The following SOX9 variants were observed in gnomAD, a reference collection of about 807,000 sequenced individuals.
SOX9 encodes the protein SRY-box transcription factor 9, also known as transcription factor SOX-9.
In SOX9, 2 loss-of-function variants were observed where a neutral mutation model predicts 44.8. The ratio of observed to expected loss-of-function variants is 0.04; its 90% confidence interval spans 0.02 to 0.14. SOX9 has a LOEUF of 0.14. Ranked by LOEUF, SOX9 falls within the 10% of genes least tolerant of loss-of-function variation. The pLI is 1.00. For synonymous variants in SOX9, 381 were observed against 331.8 expected (o/e 1.15, Z -1.61); for missense variants, 583 against 728.6 (o/e 0.80, Z 2.30).
In SOX9 at chr17:72,123,490, C is replaced by T. The variant is rs2143249649; in HGVS notation, c.686-53C>T. The stretch of plus-strand genomic sequence containing the variant: ...CCCCGGAGGGTGCCTAAGACTAGGG[C>T]GTCTGCACAGCCCTTGTTGATTTTC... On this transcript the variant is annotated intron_variant, in intron 2 of 2. Transcript: ENST00000245479. The surrounding 1 kb of genome is among the most constrained non-coding windows in gnomAD (Gnocchi z 6.5). 1 of 1,612,266 alleles carries T rather than the reference C, an allele frequency of 6.2e-7. No homozygotes were observed. The highest frequency in any genetic ancestry group is 8.5e-7 in the Non-Finnish European group (1 of 1,179,170).
chr17:72,123,856 C>T lies in SOX9; in HGVS notation c.999C>T (p.His333=), dbSNP rs755953036. Residue 333 remains histidine, a synonymous_variant, in exon 3 of 3, where the codon CAC becomes CAT. Coordinates refer to ENST00000245479, the MANE Select transcript of SOX9 (RefSeq NM_000346.4). This position sits in a 1 kb window ranked among gnomAD's most constrained non-coding sequence, Gnocchi z 6.5. ...STAATPASAG[H]VWMSKQQAPP... ...CGGCCACCCCGGCGAGCGCGGGCCA[C>T]GTGTGGATGTCCAAGCAGCAGGCGC... is the stretch of plus-strand genomic sequence containing the variant. 6.3e-7 allele frequency: 1 copy of T among 1,583,368 alleles called. No homozygotes were observed. The highest frequency in any genetic ancestry group is 1.8e-5 in the Admixed American group (1 of 56,828).
chr17:72,122,224 T>G (rs1908118587), intron 1 of SOX9, among the ~76,000 whole-genome samples: 1 of 150,310 alleles, frequency 6.7e-6, no homozygotes. Context: ...TCCACGGAGA[T>G]GGGGCAAGGG....
At position 72,121,918 on chromosome 17, in the gene SOX9, G is replaced by A. The variant is rs1226952183; in HGVS notation, c.431+96G>A. 3 of 1,401,968 alleles carry A rather than the reference G, an allele frequency of 2.1e-6. No homozygotes were observed. Among genetic ancestry groups the A allele is most frequent in the East Asian group, 2.5e-5 (1 of 39,824 alleles). The allele number at this position is 1,401,968 out of a possible 1,614,324, so 86.8% of individuals were successfully genotyped here. A position where few individuals can be genotyped will look rare whatever the true frequency, so the allele number is the denominator to read the frequency against. Reference sequence around the variant, plus strand: ...TGCCCCGCCCCGCCTCCCATCGCCCGGGAGTTGCCGTTCCGGGAGCCGGCG... The same window carrying A: ...TGCCCCGCCCCGCCTCCCATCGCCCAGGAGTTGCCGTTCCGGGAGCCGGCG... On this transcript the variant is annotated intron_variant, in intron 1 of 2. Coordinates refer to ENST00000245479, the MANE Select transcript of SOX9 (RefSeq NM_000346.4). The surrounding 1 kb of genome is among the most constrained non-coding windows in gnomAD (Gnocchi z 8.3).
chr17:72,124,499 TTTG>T lies in SOX9; in HGVS notation c.*115_*117del. ...CATTTGTGTTTTTTTGTTTTTTTAT[TTTG>T]TTTTGTTTTTTCTTCTTCTTCTTCT... is the stretch of plus-strand genomic sequence containing the variant. On this transcript the variant is annotated 3_prime_UTR_variant, in exon 3 of 3. Coordinates refer to ENST00000245479, the MANE Select transcript of SOX9 (RefSeq NM_000346.4). The surrounding 1 kb of genome is among the most constrained non-coding windows in gnomAD (Gnocchi z 4.6). 1 of 1,340,310 alleles carries T rather than the reference TTTG, an allele frequency of 7.5e-7. No homozygotes were observed. Among genetic ancestry groups the T allele is most frequent in the Non-Finnish European group, 1.0e-6 (1 of 959,086 alleles). The allele number at this position is 1,340,310 out of a possible 1,614,324, so 83.0% of individuals were successfully genotyped here. A position where few individuals can be genotyped will look rare whatever the true frequency, so the allele number is the denominator to read the frequency against.
At position 72,122,699 on chromosome 17, in the gene SOX9, C is replaced by G; in HGVS notation, c.432-20C>G. 1 of 1,612,092 alleles carries G rather than the reference C, an allele frequency of 6.2e-7. No individual in the cohort carries two copies. Among genetic ancestry groups the G allele is most frequent in the Non-Finnish European group, 8.5e-7 (1 of 1,178,976 alleles). Reference sequence around the variant, plus strand: ...CCCTCTCCCTCTTTTTCTCTGTGCCCCCCGCCCCGCCCCGAGCAGACTTCT... The same window carrying G: ...CCCTCTCCCTCTTTTTCTCTGTGCCGCCCGCCCCGCCCCGAGCAGACTTCT... On this transcript the variant is annotated intron_variant, in intron 1 of 2. Transcript: ENST00000245479.
Position 72,121,091 on chromosome 17 carries a change from G to A in SOX9, c.-301G>A. Reference sequence around the variant, plus strand: ...GCGGAGACTCGCCAGTTTCAACCCCGGAAACTTTTCTTTGCAGGAGGAGAA... The same window carrying A: ...GCGGAGACTCGCCAGTTTCAACCCCAGAAACTTTTCTTTGCAGGAGGAGAA... On this transcript the variant is annotated 5_prime_UTR_variant, in exon 1 of 3. Coordinates refer to ENST00000245479, the MANE Select transcript of SOX9 (RefSeq NM_000346.4). This position sits in a 1 kb window ranked among gnomAD's most constrained non-coding sequence, Gnocchi z 8.3. The A allele has an allele frequency of 9.1e-6, 5 of 546,476 alleles. No individual in the cohort carries two copies. Among genetic ancestry groups the A allele is most frequent in the South Asian group, 5.1e-5 (2 of 39,386 alleles). The allele number at this position is 546,476 out of a possible 1,614,324, so 33.9% of individuals were successfully genotyped here.
In SOX9 at chr17:72,123,837, C is replaced by A. The variant is rs776977497; in HGVS notation, c.980C>A (p.Thr327Asn). 10 of 1,603,274 alleles carry A rather than the reference C, an allele frequency of 6.2e-6. No individual in the cohort carries two copies. Among genetic ancestry groups the A allele is most frequent in the Non-Finnish European group, 7.7e-6 (9 of 1,175,844 alleles). The change falls in exon 3 of 3, where the codon ACC (threonine) becomes AAC (asparagine). Residue 327 changes from threonine (T) to asparagine (N), a missense_variant. By Grantham distance (65) the Thr-to-Asn change is moderately conservative. Coordinates refer to ENST00000245479, the MANE Select transcript of SOX9 (RefSeq NM_000346.4). The surrounding 1 kb of genome is among the most constrained non-coding windows in gnomAD (Gnocchi z 6.5). ...TACGGCATCAGCAGCACCGCGGCCACCCCGGCGAGCGCGGGCCACGTGTGG... is the reference window on the plus strand; with the variant it reads ...TACGGCATCAGCAGCACCGCGGCCAACCCGGCGAGCGCGGGCCACGTGTGG... ...GSYGISSTAA[T>N]PASAGHVWMS...
Position 72,122,983 on chromosome 17 carries a change from C to T in SOX9, c.685+11C>T, listed in dbSNP as rs1172772512. On this transcript the variant is annotated intron_variant, in intron 2 of 2. Coordinates refer to ENST00000245479, the MANE Select transcript of SOX9 (RefSeq NM_000346.4). ...CCGGCGAGCACTCGGGTGAGTCGCCCCTCGACCCCACCGGACAAGCTATCT... is the reference window on the plus strand; with the variant it reads ...CCGGCGAGCACTCGGGTGAGTCGCCTCTCGACCCCACCGGACAAGCTATCT... The T allele has an allele frequency of 1.6e-5, 26 of 1,611,606 alleles. No homozygotes were observed. The highest frequency in any genetic ancestry group is 2.2e-5 in the Non-Finnish European group (26 of 1,179,842).
In SOX9 at chr17:72,121,673, C is replaced by T. The variant is rs752151960; in HGVS notation, c.282C>T (p.Arg94=). 1.2e-6 allele frequency: 2 copies of T among 1,601,812 alleles called. No homozygotes were observed. The highest frequency in any genetic ancestry group is 1.1e-5 in the South Asian group (1 of 89,282). Residue 94 remains arginine, a synonymous_variant, in exon 1 of 3, where the codon CGC becomes CGT. Transcript: ENST00000245479. This position sits in a 1 kb window ranked among gnomAD's most constrained non-coding sequence, Gnocchi z 8.3. ...YDWTLVPMPV[R]VNGSSKNKPH... is the part of the protein sequence containing the mutation. ...GGACGCTGGTGCCCATGCCGGTGCG[C>T]GTCAACGGCTCCAGCAAGAACAAGC...
rs1908241660 is a variant in SOX9, at chr17:72,125,082, C to T, written c.*695C>T. ...TGATCAGTTTTGGGGGTTAACTTTG[C>T]TTAATTCCTCAGGCTTTGCGATTTA... On this transcript the variant is annotated 3_prime_UTR_variant, in exon 3 of 3. Coordinates refer to ENST00000245479, the MANE Select transcript of SOX9 (RefSeq NM_000346.4). 4.4e-6 allele frequency: 1 copy of T among 225,196 alleles called. No individual in the cohort carries two copies. The highest frequency in any genetic ancestry group is 6.5e-5 in the East Asian group (1 of 15,454). The allele number at this position is 225,196 out of a possible 1,614,324, so 13.9% of individuals were successfully genotyped here. A position where few individuals can be genotyped will look rare whatever the true frequency, so the allele number is the denominator to read the frequency against.
At position 72,124,081 on chromosome 17, in the gene SOX9, C is replaced by T. The variant is rs759894684; in HGVS notation, c.1224C>T (p.Ser408=). 13 of 1,613,448 alleles carry T rather than the reference C, an allele frequency of 8.1e-6. No individual in the cohort carries two copies. The highest frequency in any genetic ancestry group is 3.3e-4 in the Middle Eastern group (2 of 6,084). ...AGCAGCTGAGCCCCAGCCACTACAGCGAGCAGCAGCAGCACTCGCCCCAAC... is the reference window on the plus strand; with the variant it reads ...AGCAGCTGAGCCCCAGCCACTACAGTGAGCAGCAGCAGCACTCGCCCCAAC... ...KTEQLSPSHY[S]EQQQHSPQQI... Residue 408 remains serine, a synonymous_variant, in exon 3 of 3, where the codon AGC becomes AGT. Coordinates refer to ENST00000245479, the MANE Select transcript of SOX9 (RefSeq NM_000346.4). This position sits in a 1 kb window ranked among gnomAD's most constrained non-coding sequence, Gnocchi z 4.6.
In SOX9 at chr17:72,121,799, C is replaced by A. The variant is rs2143240965; in HGVS notation, c.408C>A (p.Ser136Arg). ...QYPHLHNAEL[S>R]KTLGKLWRLL... ...CGCACTTGCACAACGCCGAGCTCAG[C>A]AAGACGCTGGGCAAGCTCTGGAGGT... The change falls in exon 1 of 3, where the codon AGC becomes AGA. Residue 136 changes from serine to arginine, a missense_variant. This residue lies in a region of SOX9 where 21 missense variants were observed against 73.6 expected (regional missense o/e 0.29). Coordinates refer to ENST00000245479, the MANE Select transcript of SOX9 (RefSeq NM_000346.4). The surrounding 1 kb of genome is among the most constrained non-coding windows in gnomAD (Gnocchi z 8.3). 6.3e-7 allele frequency: 1 copy of A among 1,589,502 alleles called. No homozygotes were observed.
chr17:72,121,273 C>T lies in SOX9; in HGVS notation c.-119C>T. 5 of 925,222 alleles carry T rather than the reference C, an allele frequency of 5.4e-6. No homozygotes were observed. Among genetic ancestry groups the T allele is most frequent in the Non-Finnish European group, 8.3e-6 (5 of 602,936 alleles). The allele number at this position is 925,222 out of a possible 1,614,324, so 57.3% of individuals were successfully genotyped here. On this transcript the variant is annotated 5_prime_UTR_variant, in exon 1 of 3. Coordinates refer to ENST00000245479, the MANE Select transcript of SOX9 (RefSeq NM_000346.4). This position sits in a 1 kb window ranked among gnomAD's most constrained non-coding sequence, Gnocchi z 8.3. Reference sequence around the variant, plus strand: ...TAGCCGGCCGACGCGCCAGCTTCCCCGGGAGCCGCTTGCTCCGCATCCGGG... The same window carrying T: ...TAGCCGGCCGACGCGCCAGCTTCCCTGGGAGCCGCTTGCTCCGCATCCGGG...
In SOX9 at chr17:72,122,851, G is replaced by A. The variant is rs778998616; in HGVS notation, c.564G>A (p.Glu188=). 6.2e-7 allele frequency: 1 copy of A among 1,614,166 alleles called. No individual in the cohort carries two copies. The highest frequency in any genetic ancestry group is 8.5e-7 in the Non-Finnish European group (1 of 1,180,028). The change falls in exon 2 of 3, where the codon GAG becomes GAA. Residue 188 remains glutamate (E), a synonymous_variant. Coordinates refer to ENST00000245479, the MANE Select transcript of SOX9 (RefSeq NM_000346.4). ...RRKSVKNGQA[E]AEEATEQTHI... ...AGTCGGTGAAGAACGGGCAGGCGGA[G>A]GCAGAGGAGGCCACGGAGCAGACGC... is the stretch of plus-strand genomic sequence containing the variant.
Position 72,125,642 on chromosome 17 carries a change from T to G in SOX9, c.*1255T>G, listed in dbSNP as rs1293171978. 4 of 227,482 alleles carry G rather than the reference T, an allele frequency of 1.8e-5. No individual in the cohort carries two copies. The highest frequency in any genetic ancestry group is 3.5e-5 in the Non-Finnish European group (4 of 114,380). The allele number at this position is 227,482 out of a possible 1,614,324, so 14.1% of individuals were successfully genotyped here. A position where few individuals can be genotyped will look rare whatever the true frequency, so the allele number is the denominator to read the frequency against. ...GGTATGGTCATCTGTTGTTAAATTA[T>G]GTTCTTAACTGTAACCAGTTTTTTT... On this transcript the variant is annotated 3_prime_UTR_variant, in exon 3 of 3. Transcript: ENST00000245479.
rs768237701 is a variant in SOX9, at chr17:72,124,215, G to A, written c.1358G>A (p.Ser453Asn). 47 of 1,613,364 alleles carry A rather than the reference G, an allele frequency of 2.9e-5. No individual in the cohort carries two copies. In the Middle Eastern group the frequency reaches 4.9e-4, roughly 17 times the overall value. Reference sequence around the variant, plus strand: ...CACCAGAACTCCAGCTCCTACTACAGCCACGCGGCAGGCCAGGGCACCGGC... The same window carrying A: ...CACCAGAACTCCAGCTCCTACTACAACCACGCGGCAGGCCAGGGCACCGGC... ...TDHQNSSSYY[S>N]HAAGQGTGLY... is the part of the protein sequence containing the mutation. Residue 453 changes from serine to asparagine, a missense_variant, in exon 3 of 3, where the codon AGC (serine) becomes AAC (asparagine). Physicochemically the swap from Ser to Asn is conservative, Grantham distance 46. Transcript: ENST00000245479. This position sits in a 1 kb window ranked among gnomAD's most constrained non-coding sequence, Gnocchi z 4.6.
rs531443639 is a variant in SOX9, at chr17:72,124,630, G to T, written c.*243G>T. 24 of 591,852 alleles carry T rather than the reference G, an allele frequency of 4.1e-5. No individual in the cohort carries two copies. In the African/African-American group the frequency reaches 4.4e-4, roughly 11 times the overall value. The allele number at this position is 591,852 out of a possible 1,614,324, so 36.7% of individuals were successfully genotyped here. On this transcript the variant is annotated 3_prime_UTR_variant, in exon 3 of 3. Transcript: ENST00000245479. This position sits in a 1 kb window ranked among gnomAD's most constrained non-coding sequence, Gnocchi z 4.6. ...CCCACTTGTGGCCAATCAGTGGCCA[G>T]GCCAACCTTGGCTAAATGGAGCAGC...
chr17:72,121,911 A>T lies in SOX9; in HGVS notation c.431+89A>T, dbSNP rs1908107356. On this transcript the variant is annotated intron_variant, in intron 1 of 2. Transcript: ENST00000245479. The surrounding 1 kb of genome is among the most constrained non-coding windows in gnomAD (Gnocchi z 8.3). ...GCTGATTTGCCCCGCCCCGCCTCCC[A>T]TCGCCCGGGAGTTGCCGTTCCGGGA... 9 of 1,423,290 alleles carry T rather than the reference A, an allele frequency of 6.3e-6. No homozygotes were observed. Among genetic ancestry groups the T allele is most frequent in the Non-Finnish European group, 8.3e-6 (9 of 1,080,216 alleles). 88.2% of individuals were successfully genotyped at this position (1,423,290 alleles called of 1,614,324 possible).
chr17:72,124,191 A>G lies in SOX9; in HGVS notation c.1334A>G (p.His445Arg). Residue 445 changes from histidine to arginine, a missense_variant, in exon 3 of 3, where the codon CAC becomes CGC. Physicochemically the swap from His to Arg is conservative, Grantham distance 29. Around this residue, in one of 7 missense-constraint regions of SOX9, gnomAD observed 349 missense variants for 387.0 expected, o/e 0.90. Coordinates refer to ENST00000245479, the MANE Select transcript of SOX9 (RefSeq NM_000346.4). The surrounding 1 kb of genome is among the most constrained non-coding windows in gnomAD (Gnocchi z 4.6). ...ITRSQYDYTD[H>R]QNSSSYYSHA... is the part of the protein sequence containing the mutation. Reference sequence around the variant, plus strand: ...CGCTCACAGTACGACTACACCGACCACCAGAACTCCAGCTCCTACTACAGC... The same window carrying G: ...CGCTCACAGTACGACTACACCGACCGCCAGAACTCCAGCTCCTACTACAGC... 1 of 1,613,550 alleles carries G rather than the reference A, an allele frequency of 6.2e-7. No individual in the cohort carries two copies. Among genetic ancestry groups the G allele is most frequent in the Non-Finnish European group, 8.5e-7 (1 of 1,179,962 alleles).
Sources: gnomAD v4.1 joint callset for allele counts (sites outside exome capture counted in the v4.1 genomes callset) on GRCh38, gnomAD v4.1.1 for gene constraint, gnomAD v4.1.1 regional missense constraint, Gnocchi (gnomAD v3.1) non-coding constraint, MANE v1.5 for transcripts, NCBI Gene and HGNC (gene_info 2026-07-23, HGNC 2026-07-21) for gene names.